Variants in CPED1 observed in about 807,000 individuals in gnomAD.
CPED1 encodes cadherin like and PC-esterase domain containing 1.
A neutral mutation model predicts 128.2 loss-of-function variants in CPED1; 114 were observed. The observed-to-expected ratio is 0.89, with a 90% CI of 0.76 to 1.04. The LOEUF is 1.04. CPED1 is among the 50% of genes least tolerant of loss of function. CPED1 has a pLI of 0.00. For synonymous variants in CPED1, 462 were observed against 426.7 expected (o/e 1.08, Z -1.02); for missense variants, 1,211 against 1,207.1 (o/e 1.00, Z -0.05).
chr7:121,148,191 TAC>T (rs1368639337), intron 16 of CPED1, among the ~76,000 whole-genome samples: 1 of 152,204 alleles, frequency 6.6e-6, no homozygotes, highest in Admixed American at 6.5e-5. Flanking sequence ...TTTTCAACAA[TAC>T]AATATGTGCT....
chr7:121,293,975 C>T (rs543583343), intron 22 of CPED1, among the ~76,000 whole-genome samples: 10 of 152,138 alleles, frequency 6.6e-5, no homozygotes, highest in Non-Finnish European at 8.8e-5. Flanking sequence ...GCCCCCCATT[C>T]GTTATTCATT....
chr7:121,201,115 A>T (rs1373463754), intron 16 of CPED1, among the ~76,000 whole-genome samples: 1 of 152,062 alleles, frequency 6.6e-6, no homozygotes, highest in Non-Finnish European at 1.5e-5. Flanking sequence ...AGGTAGGAGG[A>T]GGTGCACATC....
chr7:121,037,811 T>C (rs1792938451), intron 3 of CPED1, among the ~76,000 whole-genome samples: 1 of 152,198 alleles, frequency 6.6e-6, no homozygotes. Flanking sequence ...TATGATTTCT[T>C]TCAGCAGTGT....
chr7:121,158,181 G>A (rs1047413037), intron 16 of CPED1, among the ~76,000 whole-genome samples: 8 of 152,104 alleles, frequency 5.3e-5, no homozygotes, highest in Admixed American at 1.3e-4. Flanking sequence ...AGAGATAATT[G>A]TTATATTAAG....
intron 5 of CPED1, among the ~76,000 whole-genome samples, chr7:121,093,210 G>A (rs1007892416): frequency 2.6e-5 from 4 of 151,968 alleles, no homozygotes; most frequent in Admixed American, 6.6e-5. Flanking sequence ...CTTCCCCACC[G>A]TAGGCATCAT....
chr7:121,140,996 C>CACCTT lies in CPED1; in HGVS notation c.1869_1870insACCTT (p.Glu624ThrfsTer16). ...AGTGTCTGTGCAAGGTGCACCTGTA[C>CACCTT]GAGCAGGCAGGGCCAAGGTATGAGA... On this transcript the variant is annotated frameshift_variant, in exon 15 of 23. Coordinates refer to ENST00000310396, the MANE Select transcript of CPED1 (RefSeq NM_024913.5). LOFTEE classifies it high-confidence loss of function. 6.2e-7 allele frequency: 1 copy of CACCTT among 1,610,210 alleles called. No homozygotes were observed. Among genetic ancestry groups the CACCTT allele is most frequent in the South Asian group, 1.1e-5 (1 of 90,468 alleles).
chr7:121,060,357 C>A (rs1011445100), intron 4 of CPED1, among the ~76,000 whole-genome samples: 4 of 152,270 alleles, frequency 2.6e-5, no homozygotes, highest in African/African-American at 9.6e-5. Flanking sequence ...GCTCCACCTG[C>A]AGCCCCCGGT....
chr7:121,267,953 A>C (rs1792163292), intron 21 of CPED1, among the ~76,000 whole-genome samples: 3 of 152,080 alleles, frequency 2.0e-5, no homozygotes, highest in African/African-American at 4.8e-5. Context: ...AGCACAGAAC[A>C]CAAGACCCCA....
rs1792829741 is a variant in CPED1 at position 121,296,668 on chromosome 7, C to CA, written c.*1022dup. On this transcript the variant is annotated 3_prime_UTR_variant, in exon 23 of 23. Coordinates refer to ENST00000310396, the MANE Select transcript of CPED1 (RefSeq NM_024913.5). ...GTATCAAATCCAAATTTAGATTAGA[C>CA]AAAAAATTATTATTTTAATTAAACT... 6.6e-6 allele frequency: 1 copy of CA among 151,918 alleles called. No homozygotes were observed. The highest frequency in any genetic ancestry group is 1.5e-5 in the Non-Finnish European group (1 of 67,924). The allele number at this position is 151,918 out of a possible 1,614,324, so 9.4% of individuals were successfully genotyped here.
intron 16 of CPED1, among the ~76,000 whole-genome samples, chr7:121,148,863 C>T (rs774414725): frequency 5.9e-5 from 9 of 151,932 alleles, no homozygotes; most frequent in Admixed American, 2.0e-4. Flanking sequence ...CTGTCTTCTC[C>T]GACTGAAAAG....
chr7:121,202,566 C>T (rs1797422274), intron 16 of CPED1, among the ~76,000 whole-genome samples: 1 of 152,064 alleles, frequency 6.6e-6, no homozygotes, highest in South Asian at 2.1e-4. Flanking sequence ...ATTTTTTCTA[C>T]AGTTGGGCTC....
rs184372789 is a variant in CPED1 at position 121,102,244 on chromosome 7, A to G, written c.918+2150A>G. On this transcript the variant is annotated intron_variant, in intron 7 of 22. Coordinates refer to ENST00000310396, the MANE Select transcript of CPED1 (RefSeq NM_024913.5). ...AAATTCCTCATCTATCAGTTTTGGT[A>G]GCATGATATATATTGTTCAGTTTGT... 7.2e-4 allele frequency among the ~76,000 whole-genome samples: 110 copies of G among 152,234 alleles called. No individual in the cohort carries two copies. The Middle Eastern group carries it at 0.014, about 19-fold the overall frequency.
chr7:121,052,462 G>A (rs1401383513), intron 4 of CPED1, among the ~76,000 whole-genome samples: 3 of 152,112 alleles, frequency 2.0e-5, no homozygotes, highest in East Asian at 1.9e-4. Flanking sequence ...TTTTGATCAC[G>A]TTATTTAATC....
intron 18 of CPED1, among the ~76,000 whole-genome samples, chr7:121,244,729 A>C (rs1237644450): frequency 6.6e-6 from 1 of 152,238 alleles, no homozygotes; most frequent in Non-Finnish European, 1.5e-5. Context: ...TCTGCAGCTC[A>C]GCACAGGAAA....
chr7:121,245,975 G>A (rs574200495), intron 18 of CPED1, among the ~76,000 whole-genome samples: 90 of 151,972 alleles, frequency 5.9e-4, no homozygotes, highest in African/African-American at 2.1e-3. Context: ...TTACAGGTGT[G>A]AGCCACCATG....
At chr7:121,173,312 G>A (rs114128794) in intron 16 of CPED1, among the ~76,000 whole-genome samples, 1 of 151,974 alleles carries the variant, frequency 6.6e-6, no homozygotes, top group South Asian at 2.1e-4. Flanking sequence ...AGGTAAATTT[G>A]TGTCACAGGG....
chr7:120,995,006 C>T (rs188775575), intron 2 of CPED1, among the ~76,000 whole-genome samples: 1 of 152,280 alleles, frequency 6.6e-6, no homozygotes, highest in African/African-American at 2.4e-5. Flanking sequence ...CACAGTTACC[C>T]TCTATTACTT....
chr7:120,997,059 C>T (rs1476308691), intron 2 of CPED1, among the ~76,000 whole-genome samples: 33 of 152,246 alleles, frequency 2.2e-4, no homozygotes. Flanking sequence ...CACATCTCTC[C>T]TTCTGTCAGG....
At chr7:121,207,350 T>A (rs915000107) in intron 16 of CPED1, among the ~76,000 whole-genome samples, 1 of 152,024 alleles carries the variant, frequency 6.6e-6, no homozygotes, top group Admixed American at 6.6e-5. Context: ...TAAGTGTGCC[T>A]GTTTCCCCAC....
Sources: allele counts gnomAD v4.1 joint callset (sites outside exome capture counted in the v4.1 genomes callset), GRCh38; gene constraint gnomAD v4.1.1; transcripts MANE v1.5; gene names NCBI Gene and HGNC (gene_info 2026-07-23, HGNC 2026-07-21).